PDE9A: variants seen among roughly 807,000 people sequenced by gnomAD.
PDE9A encodes the protein high affinity cGMP-specific 3',5'-cyclic phosphodiesterase 9A.
In PDE9A, 60 loss-of-function variants were observed where a neutral mutation model predicts 87.4. That is an observed-to-expected ratio of 0.69 (90% CI 0.56 to 0.85). The LOEUF is 0.85. Ranked by LOEUF, PDE9A falls within the 40% of genes least tolerant of loss-of-function variation. PDE9A has a pLI of 0.00. For missense variants in PDE9A, 665 were observed against 779.0 expected (o/e 0.85, Z 1.74); for synonymous variants, 272 against 279.4 (o/e 0.97, Z 0.27).
chr21:42,739,588 C>G lies in PDE9A; in HGVS notation c.569-4188C>G, dbSNP rs1226319055. Among the ~76,000 whole-genome samples the G allele has an allele frequency of 6.6e-6, 1 of 152,240 alleles. No individual in the cohort carries two copies. Among genetic ancestry groups the G allele is most frequent in the Non-Finnish European group, 1.5e-5 (1 of 68,044 alleles). Reference sequence around the variant, plus strand: ...ACTCACTATCCATCTACTTGGCCAACAGCCTCTTCATAAACTTAATTGCCA... The same window carrying G: ...ACTCACTATCCATCTACTTGGCCAAGAGCCTCTTCATAAACTTAATTGCCA... On this transcript the variant is annotated intron_variant, in intron 7 of 19. Transcript: ENST00000291539. This position sits in a 1 kb window ranked among gnomAD's most constrained non-coding sequence, Gnocchi z 4.1.
In PDE9A at chr21:42,731,792, C is replaced by A. The variant is rs1180653691; in HGVS notation, c.285C>A (p.Thr95=). Residue 95 remains threonine (T), a synonymous_variant, in exon 5 of 20, where the codon ACC becomes ACA. Coordinates refer to ENST00000291539, the MANE Select transcript of PDE9A (RefSeq NM_002606.3). ...QLSAGVEDKR[T]TSRGQSAERP... Reference sequence around the variant, plus strand: ...TAGCTGGTGTCGAGGACAAGAGAACCACAAGCCGTGGCCAGTCTGCTGAGA... The same window carrying A: ...TAGCTGGTGTCGAGGACAAGAGAACAACAAGCCGTGGCCAGTCTGCTGAGA... 6.2e-7 allele frequency: 1 copy of A among 1,613,756 alleles called. No homozygotes were observed. Among genetic ancestry groups the A allele is most frequent in the East Asian group, 2.2e-5 (1 of 44,886 alleles).
At chr21:42,709,780 C>A (rs1322860529) in intron 4 of PDE9A, among the ~76,000 whole-genome samples, 2 of 152,160 alleles carry the variant, frequency 1.3e-5, no homozygotes, top group Non-Finnish European at 2.9e-5. Flanking sequence ...ACCTCCTGGG[C>A]TCAGGTGATC....
At chr21:42,762,756 G>T (rs2055942814) in intron 14 of PDE9A, among the ~76,000 whole-genome samples, 1 of 152,046 alleles carries the variant, frequency 6.6e-6, no homozygotes, top group Non-Finnish European at 1.5e-5. Context: ...GTAATGGCAG[G>T]ATCTCGGCTC....
At chr21:42,761,552 G>A (rs1217868079) in intron 13 of PDE9A, among the ~76,000 whole-genome samples, 2 of 152,256 alleles carry the variant, frequency 1.3e-5, no homozygotes, top group South Asian at 2.1e-4. Flanking sequence ...CTGTGTGTTT[G>A]TGTGATGTCA....
intron 1 of PDE9A, among the ~76,000 whole-genome samples, chr21:42,662,822 C>T (rs576951036): frequency 1.1e-4 from 16 of 142,658 alleles, no homozygotes; most frequent in Admixed American, 7.6e-4. Context: ...CACGCACACA[C>T]ACGCACACAC....
In PDE9A at chr21:42,768,526, T is replaced by C. The variant is rs2056616538; in HGVS notation, c.1461+234T>C. The stretch of plus-strand genomic sequence containing the variant: ...GCTAATACTCTAAAACTGTCACCTG[T>C]CACTGCTAATTGAGCCATTATTACA... On this transcript the variant is annotated intron_variant, in intron 16 of 19. Transcript: ENST00000291539. 8.4e-6 allele frequency: 11 copies of C among 1,306,184 alleles called. No individual in the cohort carries two copies. The East Asian group carries it at 2.4e-4, about 28-fold the overall frequency. The allele number at this position is 1,306,184 out of a possible 1,614,324, so 80.9% of individuals were successfully genotyped here.
At chr21:42,690,322 A>G (rs1382187355) in intron 3 of PDE9A, among the ~76,000 whole-genome samples, 3 of 151,998 alleles carry the variant, frequency 2.0e-5, no homozygotes, top group African/African-American at 7.3e-5. Flanking sequence ...ATAGATGCAT[A>G]GGGTGTGGAT....
At chr21:42,687,358 C>A (rs542776481) in intron 2 of PDE9A, among the ~76,000 whole-genome samples, 2 of 152,298 alleles carry the variant, frequency 1.3e-5, no homozygotes, top group South Asian at 4.1e-4. Flanking sequence ...TTCCGTATAG[C>A]AGCCCTGGGA....
At position 42,759,503 on chromosome 21, in the gene PDE9A, GGT is replaced by G. The variant is rs921515103; in HGVS notation, c.897+424_897+425del. Among the ~76,000 whole-genome samples, 5 of 143,490 alleles carry G rather than the reference GGT, an allele frequency of 3.5e-5. No homozygotes were observed. Among genetic ancestry groups the G allele is most frequent in the African/African-American group, 2.6e-5 (1 of 38,418 alleles). 94.1% of individuals were successfully genotyped at this position (143,490 alleles called of 152,430 possible). A position where few individuals can be genotyped will look rare whatever the true frequency, so the allele number is the denominator to read the frequency against. ...GGGTGTCTGCATGTGTTTGTGAGTG[GGT>G]GTGTGGATGTAAATGTGTGGGAGCG... On this transcript the variant is annotated intron_variant, in intron 11 of 19. Coordinates refer to ENST00000291539, the MANE Select transcript of PDE9A (RefSeq NM_002606.3). The surrounding 1 kb of genome is among the most constrained non-coding windows in gnomAD (Gnocchi z 7.2).
chr21:42,697,482 T>C, intron 3 of PDE9A: 1 of 1,598,190 alleles, frequency 6.3e-7, no homozygotes, highest in Non-Finnish European at 8.6e-7. Flanking sequence ...GTCATGGGCG[T>C]CCCACCAGGT....
In PDE9A at chr21:42,698,507, G is replaced by T. The variant is rs376654407; in HGVS notation, c.219-461G>T. Among the ~76,000 whole-genome samples, 693 of 152,224 alleles carry T rather than the reference G, an allele frequency of 4.6e-3. 5 individuals carry two copies. The highest frequency in any genetic ancestry group is 0.014 in the African/African-American group (597 of 41,534). ...GGGCCTCGTGATGATGGGGGGAGGG[G>T]GGTTGACATCACAGAGATCCCAGTG... On this transcript the variant is annotated intron_variant, in intron 3 of 19. Transcript: ENST00000291539.
intron 4 of PDE9A, among the ~76,000 whole-genome samples, chr21:42,721,890 A>G (rs1470875869): frequency 6.6e-6 from 1 of 152,162 alleles, no homozygotes; most frequent in Non-Finnish European, 1.5e-5. Context: ...TTTGGGGGCA[A>G]GTAATGTGAA....
chr21:42,712,243 A>T (rs1187568978), intron 4 of PDE9A, among the ~76,000 whole-genome samples: 1 of 152,144 alleles, frequency 6.6e-6, no homozygotes, highest in African/African-American at 2.4e-5. Context: ...AAGGTCCTTC[A>T]TGTCTTCGGT....
chr21:42,694,935 C>A lies in PDE9A; in HGVS notation c.219-4033C>A, dbSNP rs913741730. Among the ~76,000 whole-genome samples the A allele has an allele frequency of 3.3e-5, 5 of 152,200 alleles. No individual in the cohort carries two copies. The highest frequency in any genetic ancestry group is 7.3e-5 in the Non-Finnish European group (5 of 68,044). On this transcript the variant is annotated intron_variant, in intron 3 of 19. Coordinates refer to ENST00000291539, the MANE Select transcript of PDE9A (RefSeq NM_002606.3). The surrounding 1 kb of genome is among the most constrained non-coding windows in gnomAD (Gnocchi z 5.3). ...CCACCCCAGCCCAGCGGGCACTCCC[C>A]TTCTGCAAACCTCCAAGCACATTCC...
intron 1 of PDE9A, among the ~76,000 whole-genome samples, chr21:42,679,504 G>A (rs1351196503): frequency 6.6e-6 from 1 of 152,102 alleles, no homozygotes; most frequent in Non-Finnish European, 1.5e-5. Context: ...TGGACCCAGT[G>A]TCTCTTCTCA....
chr21:42,731,980 A>T (rs761986007), intron 5 of PDE9A, 31 bp downstream of exon 5: 1 of 1,611,494 alleles, frequency 6.2e-7, no homozygotes, highest in Admixed American at 1.7e-5. Context: ...CACAGCCTCC[A>T]CCCCCCAACA....
chr21:42,761,514 C>T (rs1022277132), intron 13 of PDE9A, among the ~76,000 whole-genome samples: 19 of 152,340 alleles, frequency 1.2e-4, no homozygotes, highest in South Asian at 2.1e-4. Flanking sequence ...TCTGTGTCCT[C>T]AGTGGCGCAG....
chr21:42,719,208 G>A (rs1421996350), intron 4 of PDE9A, among the ~76,000 whole-genome samples: 2 of 151,700 alleles, frequency 1.3e-5, no homozygotes, highest in Non-Finnish European at 2.9e-5. Context: ...TTCCTCCTTT[G>A]GGAACTCTCC....
In PDE9A at chr21:42,705,916, C is replaced by G. The variant is rs373157349; in HGVS notation, c.262+6905C>G. Among the ~76,000 whole-genome samples, 19 of 152,274 alleles carry G rather than the reference C, an allele frequency of 1.2e-4. No individual in the cohort carries two copies. In the South Asian group the frequency reaches 1.9e-3, roughly 15 times the overall value. ...ACATTCTACTCCCCTGGCCAGAGAC[C>G]GAGGGTGACTCGGAGGCTTCCAGTT... On this transcript the variant is annotated intron_variant, in intron 4 of 19. Transcript: ENST00000291539. The surrounding 1 kb of genome is among the most constrained non-coding windows in gnomAD (Gnocchi z 4.3).
Sources: gnomAD v4.1 joint callset for allele counts (sites outside exome capture counted in the v4.1 genomes callset) on GRCh38, gnomAD v4.1.1 for gene constraint, Gnocchi (gnomAD v3.1) non-coding constraint, MANE v1.5 for transcripts, NCBI Gene and HGNC (gene_info 2026-07-23, HGNC 2026-07-21) for gene names.